The following BEND4 variants were observed in gnomAD, a reference collection of about 807,000 sequenced individuals.
BEND4 encodes BEN domain-containing protein 4.
A neutral mutation model predicts 54.7 loss-of-function variants in BEND4; 27 were observed. The ratio of observed to expected loss-of-function variants is 0.49; its 90% CI spans 0.36 to 0.68. BEND4 has a LOEUF of 0.68. BEND4 is among the 30% of genes least tolerant of loss of function. The pLI, the probability that BEND4 is intolerant of heterozygous loss-of-function variation, is 0.00. For missense variants in BEND4, 702 were observed against 697.2 expected (o/e 1.01, Z -0.08); for synonymous variants, 327 against 299.5 (o/e 1.09, Z -0.95).
At chr4:42,145,186 G>A (rs1721034599) in intron 2 of BEND4, among the ~76,000 whole-genome samples, 1 of 152,120 alleles carries the variant, frequency 6.6e-6, no homozygotes, top group Non-Finnish European at 1.5e-5. Flanking sequence ...GATGTTCAAG[G>A]GCTGCTATGG....
chr4:42,146,978 T>C (rs1211837113), intron 2 of BEND4, among the ~76,000 whole-genome samples: 1 of 152,188 alleles, frequency 6.6e-6, no homozygotes, highest in Non-Finnish European at 1.5e-5. Flanking sequence ...AACTGAAGGA[T>C]AAACTTGTAA....
intron 3 of BEND4, among the ~76,000 whole-genome samples, chr4:42,139,130 TC>T (rs1720797452): frequency 6.6e-6 from 1 of 152,184 alleles, no homozygotes; most frequent in Non-Finnish European, 1.5e-5. Context: ...CCCTTCACAT[TC>T]CTGATCCAAA....
At chr4:42,135,015 T>C (rs982894114) in intron 3 of BEND4, among the ~76,000 whole-genome samples, 6 of 152,172 alleles carry the variant, frequency 3.9e-5, no homozygotes, top group East Asian at 1.9e-4. Context: ...CATAGACTAT[T>C]TGAAGCCCTT....
intron 3 of BEND4, among the ~76,000 whole-genome samples, chr4:42,134,354 ATCT>A: frequency 6.6e-6 from 1 of 152,334 alleles, no homozygotes; most frequent in South Asian, 2.1e-4. Flanking sequence ...GTGTTTAATC[ATCT>A]TTACGTGCCC....
At position 42,114,129 on chromosome 4, in the gene BEND4, C is replaced by G. The variant is rs1388648067; in HGVS notation, c.*3389G>C. ...TTAAGCCATGAGATTTTGAACAATG[C>G]ACCGTCAAGAGTCAGTGAGAAATGT... On this transcript the variant is annotated 3_prime_UTR_variant, in exon 6 of 6. Transcript: ENST00000502486. 6.6e-6 allele frequency: 1 copy of G among 152,130 alleles called. No homozygotes were observed. Among genetic ancestry groups the G allele is most frequent in the Non-Finnish European group, 1.5e-5 (1 of 68,012 alleles). 9.4% of individuals were successfully genotyped at this position (152,130 alleles called of 1,614,324 possible).
rs1221194480 is a variant in BEND4, at chr4:42,143,648, G to A, written c.834C>T (p.Asp278=). 1.2e-5 allele frequency: 20 copies of A among 1,613,638 alleles called. No homozygotes were observed. Among genetic ancestry groups the A allele is most frequent in the Middle Eastern group, 1.6e-4 (1 of 6,084 alleles). Residue 278 remains aspartate, a synonymous_variant, in exon 3 of 6, where the codon GAC becomes GAT. Coordinates refer to ENST00000502486, the MANE Select transcript of BEND4 (RefSeq NM_207406.4). ...SSASEYGHLA[D]VDPLSTSPVH... ...CAGGAGAGGTTGACAGAGGATCCAC[G>A]TCGGCCAGATGGCCATATTCACTGG... is the stretch of plus-strand genomic sequence containing the variant.
At position 42,152,077 on chromosome 4, in the gene BEND4, G is replaced by A; in HGVS notation, c.67C>T (p.Pro23Ser). The A allele has an allele frequency of 8.0e-7, 1 of 1,251,702 alleles. No individual in the cohort carries two copies. Among genetic ancestry groups the A allele is most frequent in the Non-Finnish European group, 1.0e-6 (1 of 990,084 alleles). The allele number at this position is 1,251,702 out of a possible 1,614,324, so 77.5% of individuals were successfully genotyped here. A position where few individuals can be genotyped will look rare whatever the true frequency, so the allele number is the denominator to read the frequency against. Residue 23 changes from proline to serine, a missense_variant, in exon 2 of 6, where the codon CCC becomes TCC. Physicochemically the swap from Pro to Ser is moderately conservative, Grantham distance 74. Transcript: ENST00000502486. ...SVPKIYKQRS[P>S]YSVLKTFPSK... Reference sequence around the variant, plus strand: ...GGGAACGTCTTGAGGACGCTGTAGGGGCTGCGCTGCTTGTAGATTTTGGGG... The same window carrying A: ...GGGAACGTCTTGAGGACGCTGTAGGAGCTGCGCTGCTTGTAGATTTTGGGG...
In BEND4 at chr4:42,152,215, G is replaced by T; in HGVS notation, c.-72C>A. The T allele has an allele frequency of 8.2e-7, 1 of 1,222,290 alleles. No individual in the cohort carries two copies. Among genetic ancestry groups the T allele is most frequent in the Non-Finnish European group, 1.0e-6 (1 of 975,024 alleles). The allele number at this position is 1,222,290 out of a possible 1,614,324, so 75.7% of individuals were successfully genotyped here. On this transcript the variant is annotated 5_prime_UTR_variant, in exon 2 of 6. Coordinates refer to ENST00000502486, the MANE Select transcript of BEND4 (RefSeq NM_207406.4). ...GGCGCCGGGCTCCGAGGGTGCCTCC[G>T]CCGCCTGCCCGCCGGGTCTGCCCTG...
At chr4:42,144,044 A>AT (rs1364769883) in intron 2 of BEND4, 50 bp from the exon 3 acceptor site, 1 of 1,320,494 alleles carries the variant, frequency 7.6e-7, no homozygotes, top group African/African-American at 1.4e-5. Flanking sequence ...ACGGCAAAAG[A>AT]TAAATAAAGT....
At chr4:42,139,064 ACT>A (rs746368271) in intron 3 of BEND4, among the ~76,000 whole-genome samples, 1 of 152,086 alleles carries the variant, frequency 6.6e-6, no homozygotes, top group Non-Finnish European at 1.5e-5. Context: ...CTAAGCTGAC[ACT>A]CTGTCCAATG....
chr4:42,151,619 G>A (rs1721287163), intron 2 of BEND4, 38 bp downstream of exon 2: 1 of 1,437,266 alleles, frequency 7.0e-7, no homozygotes, highest in Non-Finnish European at 9.1e-7. Context: ...GCTGCCCCCG[G>A]CCGTGGCGGG....
At chr4:42,151,083 G>C (rs770673003) in intron 2 of BEND4, 1 of 152,192 alleles carries the variant, frequency 6.6e-6, no homozygotes, top group Non-Finnish European at 1.5e-5. Context: ...GCGCCCCCGA[G>C]AAACACAGGC....
intron 3 of BEND4, among the ~76,000 whole-genome samples, chr4:42,131,511 G>A (rs994274249): frequency 3.3e-5 from 5 of 152,088 alleles, no homozygotes; most frequent in East Asian, 1.9e-4. Context: ...CTACATCACC[G>A]TTGTCTCCCC....
At chr4:42,131,557 C>G (rs1366207826) in intron 3 of BEND4, among the ~76,000 whole-genome samples, 1 of 152,178 alleles carries the variant, frequency 6.6e-6, no homozygotes, top group Non-Finnish European at 1.5e-5. Flanking sequence ...GGGGACAGTC[C>G]TGGAAGGGCT....
chr4:42,123,051 C>T (rs1470021621), intron 4 of BEND4, among the ~76,000 whole-genome samples: 1 of 152,032 alleles, frequency 6.6e-6, no homozygotes, highest in Admixed American at 6.6e-5. Context: ...AAATGTTGGT[C>T]TCATAAAATG....
In BEND4 at chr4:42,125,582, C is replaced by T. The variant is rs1720242576; in HGVS notation, c.1146+1G>A. Reference sequence around the variant, plus strand: ...CATTCACCTTTTTACCAGAGACCTACCTCTGTCGGCTGGTCAGCTGGCTGT... The same window carrying T: ...CATTCACCTTTTTACCAGAGACCTATCTCTGTCGGCTGGTCAGCTGGCTGT... On this transcript the variant is annotated splice_donor_variant, in intron 4 of 5. Coordinates refer to ENST00000502486, the MANE Select transcript of BEND4 (RefSeq NM_207406.4). LOFTEE classifies it high-confidence loss of function. 1 of 1,610,656 alleles carries T rather than the reference C, an allele frequency of 6.2e-7. No individual in the cohort carries two copies. Among genetic ancestry groups the T allele is most frequent in the Non-Finnish European group, 8.5e-7 (1 of 1,176,864 alleles).
chr4:42,132,741 A>G (rs993271904), intron 3 of BEND4, among the ~76,000 whole-genome samples: 9 of 152,080 alleles, frequency 5.9e-5, no homozygotes, highest in African/African-American at 2.2e-4. Flanking sequence ...CACCGCACCC[A>G]GCCTAAATTA....
chr4:42,136,636 T>C (rs1284097547), intron 3 of BEND4, among the ~76,000 whole-genome samples: 1 of 152,174 alleles, frequency 6.6e-6, no homozygotes, highest in Non-Finnish European at 1.5e-5. Context: ...TGTAAACAAG[T>C]GTCCTCACCA....
chr4:42,148,277 T>A (rs1234958503), intron 2 of BEND4, among the ~76,000 whole-genome samples: 2 of 152,184 alleles, frequency 1.3e-5, no homozygotes, highest in Admixed American at 1.3e-4. Flanking sequence ...ATTTTTTTCA[T>A]AATGGCAAAC....
Sources: allele counts gnomAD v4.1 joint callset (sites outside exome capture counted in the v4.1 genomes callset), GRCh38; gene constraint gnomAD v4.1.1; transcripts MANE v1.5; gene names NCBI Gene and HGNC (gene_info 2026-07-23, HGNC 2026-07-21).